Variants in SEC24B observed in about 807,000 individuals in gnomAD.
The protein encoded by SEC24B is SEC24 homolog B, COPII component, also known as protein transport protein Sec24B.
In SEC24B, 45 loss-of-function variants were observed where a neutral mutation model predicts 142.8. That is an observed-to-expected ratio of 0.32 (90% CI 0.25 to 0.40). The LOEUF (loss-of-function observed/expected upper bound fraction) is 0.40, where lower values mean the gene tolerates loss of function less well. SEC24B is among the 10% of genes least tolerant of loss of function. The probability of loss-of-function intolerance (pLI) is 1.00; values close to 1 mark genes in which losing one functional copy is unlikely to be tolerated. For synonymous variants in SEC24B, 574 were observed against 568.2 expected, an observed-to-expected ratio of 1.01 and a Z score of -0.15; for missense variants, 1,409 against 1,526.8, an observed-to-expected ratio of 0.92 and a Z score of 1.29.
chr4:109,455,912 CA>C (rs1013107488), intron 1 of SEC24B, among the ~76,000 whole-genome samples: 11 of 151,714 alleles, frequency 7.3e-5, no homozygotes, highest in African/African-American at 1.9e-4. Flanking sequence ...TTGATATCTA[CA>C]AAAAAAACCT....
intron 7 of SEC24B, among the ~76,000 whole-genome samples, chr4:109,508,554 G>A: frequency 6.6e-6 from 1 of 151,992 alleles, no homozygotes; most frequent in Non-Finnish European, 1.5e-5. Flanking sequence ...GTGACAGAGT[G>A]AGACCCTGTC....
At chr4:109,482,965 TATATATATATATATAC>T (rs1561116635) in intron 4 of SEC24B, among the ~76,000 whole-genome samples, 4 of 58,642 alleles carry the variant, frequency 6.8e-5, no homozygotes, top group Non-Finnish European at 1.2e-4. Flanking sequence ...TATATATATA[TATATATATATATATAC>T]ACACACACAC....
intron 12 of SEC24B, 118 bp from the exon 13 acceptor site, chr4:109,520,999 A>C: frequency 1.5e-6 from 1 of 654,242 alleles, no homozygotes; most frequent in Non-Finnish European, 2.7e-6. Context: ...TCTCAAAAAA[A>C]TAAATAAAAT....
chr4:109,535,709 G>A (rs1019447099), intron 22 of SEC24B, among the ~76,000 whole-genome samples: 1 of 152,068 alleles, frequency 6.6e-6, no homozygotes, highest in Admixed American at 6.5e-5. Context: ...ACAATTAGCT[G>A]GGCGTGGTGG....
In SEC24B at chr4:109,506,372, G is replaced by C; in HGVS notation, c.1533G>C (p.Leu511Phe). The change falls in exon 7 of 24, where the codon TTG (leucine) becomes TTC (phenylalanine). Residue 511 changes from leucine (L) to phenylalanine (F), a missense_variant. Around this residue, in one of 2 missense-constraint regions of SEC24B, gnomAD observed 709 missense variants for 673.5 expected, o/e 1.05. Transcript: ENST00000265175. ...AGCTATCCTCCAGTATAGGAGGATT[G>C]AGTCTTCAGAGTTCTCCACAACCAG... ...VNQLSSSIGG[L>F]SLQSSPQPES... The C allele has an allele frequency of 3.1e-6, 5 of 1,607,888 alleles. No individual in the cohort carries two copies. The highest frequency in any genetic ancestry group is 4.2e-6 in the Non-Finnish European group (5 of 1,176,944).
chr4:109,456,997 T>G (rs1730754733), intron 1 of SEC24B, among the ~76,000 whole-genome samples: 1 of 152,252 alleles, frequency 6.6e-6, no homozygotes, highest in South Asian at 2.1e-4. Context: ...TGCTTCAGTT[T>G]GTGCCCCAGG....
At chr4:109,438,603 T>A (rs2125888883) in intron 1 of SEC24B, among the ~76,000 whole-genome samples, 1 of 152,364 alleles carries the variant, frequency 6.6e-6, no homozygotes, top group East Asian at 1.9e-4. Context: ...TAAAGATCTC[T>A]TTCTGTTAAC....
intron 5 of SEC24B, among the ~76,000 whole-genome samples, chr4:109,492,418 A>G (rs559556607): frequency 2.6e-5 from 4 of 152,320 alleles, no homozygotes; most frequent in African/African-American, 4.8e-5. Context: ...ATGAACAACC[A>G]TATAGTATCC....
intron 4 of SEC24B, among the ~76,000 whole-genome samples, chr4:109,486,474 C>G (rs1218987105): frequency 6.6e-6 from 1 of 152,166 alleles, no homozygotes; most frequent in Non-Finnish European, 1.5e-5. Context: ...GGATTCTGAG[C>G]TATTCTTCTG....
chr4:109,515,132 G>A (rs1322558912), intron 10 of SEC24B, among the ~76,000 whole-genome samples: 7 of 151,846 alleles, frequency 4.6e-5, no homozygotes, highest in Admixed American at 1.3e-4. Context: ...ATGGAGTCAC[G>A]CTCTGTCATC....
rs1165671124 is a variant in SEC24B at position 109,539,858 on chromosome 4, CAAATT to C, written c.*186_*190del. 3 of 572,826 alleles carry C rather than the reference CAAATT, an allele frequency of 5.2e-6. No individual in the cohort carries two copies. Among genetic ancestry groups the C allele is most frequent in the Non-Finnish European group, 6.1e-6 (2 of 326,446 alleles). 35.5% of individuals were successfully genotyped at this position (572,826 alleles called of 1,614,324 possible). On this transcript the variant is annotated 3_prime_UTR_variant, in exon 24 of 24. Coordinates refer to ENST00000265175, the MANE Select transcript of SEC24B (RefSeq NM_006323.5). ...AGAACTTGACAGATCTTTTTCAACT[CAAATT>C]AATGGTAACGATGATGCTGTTTCAC...
intron 1 of SEC24B, among the ~76,000 whole-genome samples, chr4:109,454,540 A>G (rs1730461213): frequency 8.4e-6 from 1 of 118,726 alleles, no homozygotes; most frequent in South Asian, 2.1e-4. Flanking sequence ...TCTGTCTCCA[A>G]AAAAAAAAAA....
At chr4:109,515,706 C>T (rs1264151764) in intron 10 of SEC24B, among the ~76,000 whole-genome samples, 1 of 152,164 alleles carries the variant, frequency 6.6e-6, no homozygotes, top group Non-Finnish European at 1.5e-5. Context: ...TTACCCATCA[C>T]CAAGCTTCAA....
At chr4:109,438,645 G>A (rs569811956) in intron 1 of SEC24B, among the ~76,000 whole-genome samples, 124 of 152,260 alleles carry the variant, frequency 8.1e-4, no homozygotes, top group Non-Finnish European at 1.4e-3. Flanking sequence ...TAGAAACTTT[G>A]ATGTTTGAGA....
At chr4:109,466,657 G>A (rs944069667) in intron 2 of SEC24B, among the ~76,000 whole-genome samples, 13 of 152,126 alleles carry the variant, frequency 8.5e-5, no homozygotes, top group Non-Finnish European at 1.8e-4. Flanking sequence ...TGATCCGCCC[G>A]CCTTGGCCTC....
intron 3 of SEC24B, among the ~76,000 whole-genome samples, chr4:109,475,480 A>G (rs780968017): frequency 8.5e-5 from 13 of 152,170 alleles, no homozygotes; most frequent in Non-Finnish European, 1.5e-4. Flanking sequence ...TTCTCCCAAG[A>G]CTAAGCATTT....
chr4:109,510,878 T>C (rs1438519671), intron 8 of SEC24B, among the ~76,000 whole-genome samples: 1 of 152,108 alleles, frequency 6.6e-6, no homozygotes, highest in Non-Finnish European at 1.5e-5. Context: ...ATCCAAAAAA[T>C]ATTGATTGAC....
intron 6 of SEC24B, among the ~76,000 whole-genome samples, chr4:109,500,937 A>G (rs1736064066): frequency 6.6e-6 from 1 of 152,020 alleles, no homozygotes; most frequent in Non-Finnish European, 1.5e-5. Flanking sequence ...GGGATTACAG[A>G]TGTGAGCCAC....
intron 6 of SEC24B, among the ~76,000 whole-genome samples, chr4:109,496,568 C>G (rs763913219): frequency 6.6e-6 from 1 of 152,080 alleles, no homozygotes; most frequent in Non-Finnish European, 1.5e-5. Context: ...TCTAGCTACT[C>G]AAGACTAAAG....
Sources: gnomAD v4.1 joint callset for allele counts (sites outside exome capture counted in the v4.1 genomes callset) on GRCh38, gnomAD v4.1.1 for gene constraint, gnomAD v4.1.1 regional missense constraint, MANE v1.5 for transcripts, NCBI Gene and HGNC (gene_info 2026-07-23, HGNC 2026-07-21) for gene names.